Variants in SGMS1 observed in about 807,000 individuals in gnomAD.
SGMS1 encodes the protein phosphatidylcholine:ceramide cholinephosphotransferase 1.
Under a neutral mutation model 46.2 loss-of-function variants are expected in SGMS1, and 13 were observed. That is an observed-to-expected ratio of 0.28 (90% CI 0.18 to 0.45). SGMS1 has a LOEUF of 0.45. Ranked by LOEUF, SGMS1 falls within the 20% of genes least tolerant of loss-of-function variation. SGMS1 has a pLI of 1.00. For synonymous variants in SGMS1, 203 were observed against 187.8 expected, an observed-to-expected ratio of 1.08 and a Z score of -0.66; for missense variants, 324 against 519.9, an observed-to-expected ratio of 0.62 and a Z score of 3.66.
intron 4 of SGMS1, 41 bp from the exon 5 acceptor site, chr10:50,460,855 G>A (rs1346487380): frequency 1.3e-5 from 2 of 152,180 alleles, no homozygotes; most frequent in Non-Finnish European, 2.9e-5. Flanking sequence ...ACTTCAAAAC[G>A]GAATCACAAA....
chr10:50,477,299 G>C (rs1335597337), intron 3 of SGMS1, among the ~76,000 whole-genome samples: 1 of 152,248 alleles, frequency 6.6e-6, no homozygotes, highest in Non-Finnish European at 1.5e-5. Context: ...TTTCAGACTT[G>C]CATGGGGCCT....
intron 6 of SGMS1, among the ~76,000 whole-genome samples, chr10:50,430,829 C>T (rs1310880298): frequency 6.6e-6 from 1 of 152,014 alleles, no homozygotes; most frequent in Non-Finnish European, 1.5e-5. Flanking sequence ...TGCAATAAGT[C>T]TGTCTTATTT....
chr10:50,574,961 G>A (rs1256127936), intron 2 of SGMS1, among the ~76,000 whole-genome samples: 13 of 45,292 alleles, frequency 2.9e-4, no homozygotes, highest in East Asian at 1.6e-3. Flanking sequence ...GGAAAATGTG[G>A]TGTATATATA....
At chr10:50,499,113 G>A (rs887948902) in intron 3 of SGMS1, among the ~76,000 whole-genome samples, 2 of 152,152 alleles carry the variant, frequency 1.3e-5, no homozygotes, top group African/African-American at 2.4e-5. Flanking sequence ...TGATTTTCAT[G>A]AGTATGCTAC....
chr10:50,574,266 C>G (rs1246057922), intron 2 of SGMS1, among the ~76,000 whole-genome samples: 1 of 152,098 alleles, frequency 6.6e-6, no homozygotes, highest in Non-Finnish European at 1.5e-5. Context: ...AGATTAACAT[C>G]TATTACATAT....
intron 3 of SGMS1, among the ~76,000 whole-genome samples, chr10:50,491,263 A>G (rs564439258): frequency 6.6e-6 from 1 of 152,356 alleles, no homozygotes; most frequent in South Asian, 2.1e-4. Context: ...CTGAGGAAGG[A>G]GGATCCTCGA....
chr10:50,323,416 C>CA (rs1050130384), intron 8 of SGMS1, among the ~76,000 whole-genome samples: 5 of 152,174 alleles, frequency 3.3e-5, no homozygotes, highest in African/African-American at 1.2e-4. Context: ...GAGTAACTGT[C>CA]AGAGTATCCA....
At chr10:50,331,005 T>C (rs1479805664) in intron 7 of SGMS1, among the ~76,000 whole-genome samples, 2 of 152,044 alleles carry the variant, frequency 1.3e-5, no homozygotes, top group Non-Finnish European at 2.9e-5. Context: ...CACTTTCTTA[T>C]GAATCAGAGA....
intron 6 of SGMS1, among the ~76,000 whole-genome samples, chr10:50,356,419 C>G (rs185031537): frequency 2.6e-5 from 4 of 152,118 alleles, no homozygotes; most frequent in African/African-American, 9.7e-5. Context: ...ACAAACACTG[C>G]GGAAGGCGGA....
intron 3 of SGMS1, among the ~76,000 whole-genome samples, chr10:50,498,174 T>C (rs868318342): frequency 1.2e-4 from 18 of 152,196 alleles, no homozygotes; most frequent in Admixed American, 5.2e-4. Context: ...TTTTCAGCAA[T>C]GCTGTTTGGG....
At chr10:50,596,676 C>A (rs529349037) in intron 1 of SGMS1, among the ~76,000 whole-genome samples, 1 of 152,298 alleles carries the variant, frequency 6.6e-6, no homozygotes, top group African/African-American at 2.4e-5. Flanking sequence ...AGAGAAACCA[C>A]CTCAGGTCAG....
intron 2 of SGMS1, among the ~76,000 whole-genome samples, chr10:50,543,527 A>G (rs1838074274): frequency 6.6e-6 from 1 of 152,260 alleles, no homozygotes; most frequent in Admixed American, 6.5e-5. Context: ...AAGTTTCTGT[A>G]GGAACTGGGG....
chr10:50,325,827 A>G (rs1026793975), intron 8 of SGMS1, among the ~76,000 whole-genome samples: 1 of 152,204 alleles, frequency 6.6e-6, no homozygotes, highest in Non-Finnish European at 1.5e-5. Context: ...AAGGAGCTGA[A>G]TTAAACTTAG....
rs373062953 is a variant in SGMS1 at position 50,471,753 on chromosome 10, G to A, written c.-497-4821C>T. Among the ~76,000 whole-genome samples, 18 of 152,278 alleles carry A rather than the reference G, an allele frequency of 1.2e-4. No individual in the cohort carries two copies. The East Asian group carries it at 2.7e-3, about 23-fold the overall frequency. On this transcript the variant is annotated intron_variant, in intron 3 of 10. Transcript: ENST00000361781. ...GAAGAAATAATTTCCTAACATCACA[G>A]GACTTGTTATCAAGGGCCACATCAG...
chr10:50,438,264 A>G (rs775662258), intron 5 of SGMS1, among the ~76,000 whole-genome samples: 4 of 152,242 alleles, frequency 2.6e-5, no homozygotes, highest in Non-Finnish European at 5.9e-5. Context: ...GAATAAGGCA[A>G]AAATGACAGG....
intron 2 of SGMS1, among the ~76,000 whole-genome samples, chr10:50,527,965 A>C (rs1395744929): frequency 5.3e-5 from 8 of 152,228 alleles, no homozygotes; most frequent in Non-Finnish European, 1.2e-4. Context: ...TAAGGATTAA[A>C]TGAGAAAATT....
chr10:50,561,925 A>G (rs780240213), intron 2 of SGMS1, among the ~76,000 whole-genome samples: 18 of 152,010 alleles, frequency 1.2e-4, no homozygotes, highest in Non-Finnish European at 2.4e-4. Context: ...AAGGCAAGGA[A>G]GGAAGGAGGG....
intron 3 of SGMS1, among the ~76,000 whole-genome samples, chr10:50,509,135 T>C (rs1397367311): frequency 1.3e-5 from 2 of 152,242 alleles, no homozygotes; most frequent in East Asian, 3.8e-4. Context: ...TGTAATCTTA[T>C]ACATATTGTT....
intron 3 of SGMS1, among the ~76,000 whole-genome samples, chr10:50,469,258 C>T (rs942132706): frequency 6.6e-6 from 1 of 152,164 alleles, no homozygotes; most frequent in African/African-American, 2.4e-5. Flanking sequence ...ATTGCTTTTG[C>T]TATCTTCCCA....
Sources: allele counts gnomAD v4.1 joint callset (sites outside exome capture counted in the v4.1 genomes callset), GRCh38; gene constraint gnomAD v4.1.1; transcripts MANE v1.5; gene names NCBI Gene and HGNC (gene_info 2026-07-23, HGNC 2026-07-21).